SDK1: variants seen among roughly 807,000 people sequenced by gnomAD.
The protein encoded by SDK1 is sidekick cell adhesion molecule 1, also known as protein sidekick-1.
In SDK1, 157 loss-of-function variants were observed where a neutral mutation model predicts 245.5. That is an observed-to-expected ratio of 0.64 (90% confidence interval 0.56 to 0.73). The LOEUF (loss-of-function observed/expected upper bound fraction) is 0.73, where lower values mean the gene tolerates loss of function less well. SDK1 is among the 30% of genes least tolerant of loss of function. The pLI, the probability that SDK1 is intolerant of heterozygous loss-of-function variation, is 0.00. For missense variants in SDK1, 3,583 were observed against 3,002.3 expected (o/e 1.19, Z -4.52); for synonymous variants, 1,647 against 1,278.5 (o/e 1.29, Z -6.15).
intron 1 of SDK1, among the ~76,000 whole-genome samples, chr7:3,410,874 A>G (rs749409272): frequency 2.0e-5 from 3 of 152,050 alleles, no homozygotes; most frequent in African/African-American, 7.2e-5. Context: ...TGTTTGAGCT[A>G]CCACGCCCAG....
rs58353140 is a variant in SDK1, at chr7:3,344,696, C to A, written c.298+42812C>A. On this transcript the variant is annotated intron_variant, in intron 1 of 44. Transcript: ENST00000404826. ...TTGCTGGACTGGACGTAATGGCATG[C>A]TGATAGCACGTTTCAATCAGATGGG... Among the ~76,000 whole-genome samples the A allele has an allele frequency of 6.2e-4, 95 of 152,282 alleles. 1 individual carries two copies. In the East Asian group the frequency reaches 0.018, roughly 28 times the overall value.
chr7:3,591,822 G>T (rs1255613324), intron 1 of SDK1, among the ~76,000 whole-genome samples: 1 of 152,204 alleles, frequency 6.6e-6, no homozygotes, highest in Admixed American at 6.5e-5. Context: ...TTTATCCAAT[G>T]GGAGGCAAAC....
chr7:3,507,079 G>A (rs572796700), intron 1 of SDK1, among the ~76,000 whole-genome samples: 5 of 152,094 alleles, frequency 3.3e-5, no homozygotes, highest in African/African-American at 9.7e-5. Flanking sequence ...ATTATCATAT[G>A]GTTTGTTTAG....
At chr7:4,014,397 A>G (rs754704453) in intron 16 of SDK1, among the ~76,000 whole-genome samples, 1 of 152,220 alleles carries the variant, frequency 6.6e-6, no homozygotes, top group African/African-American at 2.4e-5. Context: ...AAGCTCCAAG[A>G]TGAGGGTGCA....
rs148348762 is a variant in SDK1, at chr7:3,619,234, A to T, written c.453A>T (p.Glu151Asp). Reference sequence around the variant, plus strand: ...GTGAGCTCACCACCTACAGCAGCGAATATAAGTAATTGATCGCTTGAAAAA... The same window carrying T: ...GTGAGCTCACCACCTACAGCAGCGATTATAAGTAATTGATCGCTTGAAAAA... ...DDSELTTYSSEYKYIIPSLQK... is the reference protein window; with the variant it reads ...DDSELTTYSSDYKYIIPSLQK... Residue 151 changes from glutamate to aspartate, a missense_variant, in exon 2 of 45, where the codon GAA (glutamate) becomes GAT (aspartate). Coordinates refer to ENST00000404826, the MANE Select transcript of SDK1 (RefSeq NM_152744.4). 3.1e-6 allele frequency: 5 copies of T among 1,601,406 alleles called. No homozygotes were observed. The Admixed American group carries it at 8.4e-5, about 27-fold the overall frequency.
intron 2 of SDK1, among the ~76,000 whole-genome samples, chr7:3,633,846 G>C (rs1782375739): frequency 6.6e-6 from 1 of 152,042 alleles, no homozygotes; most frequent in Admixed American, 6.5e-5. Context: ...GGAACAGAGT[G>C]AGCCACAGTC....
At chr7:4,021,169 T>G (rs1277273061) in intron 17 of SDK1, among the ~76,000 whole-genome samples, 1 of 152,112 alleles carries the variant, frequency 6.6e-6, no homozygotes, top group Non-Finnish European at 1.5e-5. Context: ...TCATCATCCT[T>G]GGGGACCTGC....
intron 4 of SDK1, among the ~76,000 whole-genome samples, chr7:3,767,105 A>G (rs763806212): frequency 6.6e-6 from 1 of 152,194 alleles, no homozygotes; most frequent in Non-Finnish European, 1.5e-5. Context: ...ATGGAATAGA[A>G]TGGGCATCTT....
intron 1 of SDK1, among the ~76,000 whole-genome samples, chr7:3,400,920 G>A (rs572060620): frequency 1.3e-5 from 2 of 152,234 alleles, no homozygotes; most frequent in African/African-American, 4.8e-5. Flanking sequence ...ACCCAGTCTC[G>A]TGTAGGTCTG....
intron 32 of SDK1, among the ~76,000 whole-genome samples, chr7:4,168,764 G>A (rs990245379): frequency 6.6e-6 from 1 of 152,200 alleles, no homozygotes; most frequent in Admixed American, 6.5e-5. Flanking sequence ...GTGACCTCAG[G>A]GCGAGGTTGC....
intron 5 of SDK1, among the ~76,000 whole-genome samples, chr7:3,875,219 T>C (rs1295547340): frequency 6.6e-6 from 1 of 150,490 alleles, no homozygotes; most frequent in Non-Finnish European, 1.5e-5. Flanking sequence ...GTTTTTTCCC[T>C]GTACCCTTGG....
At chr7:3,916,294 T>G (rs1386068493) in intron 5 of SDK1, among the ~76,000 whole-genome samples, 1 of 152,184 alleles carries the variant, frequency 6.6e-6, no homozygotes, top group African/African-American at 2.4e-5. Context: ...GCTTAGTAAA[T>G]CTACACTTTA....
At position 3,696,249 on chromosome 7, in the gene SDK1, G is replaced by A. The variant is rs80069063; in HGVS notation, c.713+54144G>A. Among the ~76,000 whole-genome samples, 1,260 of 152,156 alleles carry A rather than the reference G, an allele frequency of 8.3e-3. 18 individuals carry two copies. The highest frequency in any genetic ancestry group is 0.029 in the African/African-American group (1,193 of 41,506). ...CACCACTCACTGTGGTCCTTGTTCA[G>A]ATCCATGCTCCACTGTGTGATCTTG... is the stretch of plus-strand genomic sequence containing the variant. On this transcript the variant is annotated intron_variant, in intron 4 of 44. Transcript: ENST00000404826.
Position 4,216,860 on chromosome 7 carries a change from C to T in SDK1, c.5540-3249C>T, listed in dbSNP as rs115948937. ...CTAGTCACTCCACTGTGAACACAGT[C>T]GTGGCTCATCCTGTGTGCTGGGCAG... On this transcript the variant is annotated intron_variant, in intron 38 of 44. Coordinates refer to ENST00000404826, the MANE Select transcript of SDK1 (RefSeq NM_152744.4). 3.3e-3 allele frequency among the ~76,000 whole-genome samples: 502 copies of T among 152,326 alleles called. 4 individuals carry two copies. The highest frequency in any genetic ancestry group is 0.011 in the African/African-American group (462 of 41,580).
intron 4 of SDK1, among the ~76,000 whole-genome samples, chr7:3,702,848 A>G (rs1430291600): frequency 6.6e-6 from 1 of 152,188 alleles, no homozygotes; most frequent in Non-Finnish European, 1.5e-5. Flanking sequence ...AAACATGAAA[A>G]AGACATTCAG....
At chr7:4,131,578 C>A (rs1784824288) in intron 27 of SDK1, among the ~76,000 whole-genome samples, 1 of 152,190 alleles carries the variant, frequency 6.6e-6, no homozygotes, top group African/African-American at 2.4e-5. Flanking sequence ...TTGCCTCTTA[C>A]CTGGGAATCG....
At chr7:4,189,373 G>C in intron 35 of SDK1, among the ~76,000 whole-genome samples, 1 of 152,138 alleles carries the variant, frequency 6.6e-6, no homozygotes, top group South Asian at 2.1e-4. Flanking sequence ...TTAAATATTA[G>C]TCCAGCAAAA....
At chr7:3,906,413 A>G (rs1329642563) in intron 5 of SDK1, among the ~76,000 whole-genome samples, 1 of 151,958 alleles carries the variant, frequency 6.6e-6, no homozygotes, top group African/African-American at 2.4e-5. Context: ...AGAGAGAGAG[A>G]GACAGAGAGC....
chr7:3,397,493 G>C (rs970682491), intron 1 of SDK1, among the ~76,000 whole-genome samples: 1 of 150,486 alleles, frequency 6.6e-6, no homozygotes, highest in South Asian at 2.1e-4. Flanking sequence ...CCCCCCCAGC[G>C]CTTTGAATAT....
Sources: gnomAD v4.1 joint callset for allele counts (sites outside exome capture counted in the v4.1 genomes callset) on GRCh38, gnomAD v4.1.1 for gene constraint, MANE v1.5 for transcripts, NCBI Gene and HGNC (gene_info 2026-07-23, HGNC 2026-07-21) for gene names.